Variants in PCDHGA8 observed in about 807,000 individuals in gnomAD.
PCDHGA8 encodes the protein protocadherin gamma-A8.
PCDHGA8 carries 45 observed loss-of-function variants against 59.2 expected under a neutral mutation model. The observed-to-expected ratio is 0.76, with a 90% CI of 0.60 to 0.98. The LOEUF (loss-of-function observed/expected upper bound fraction) is 0.98, where lower values mean the gene tolerates loss of function less well. Among genes scored for constraint, PCDHGA8 ranks in the 50% least tolerant of loss-of-function variants. The pLI is 0.00. For missense variants in PCDHGA8, 1,257 were observed against 1,196.2 expected, an observed-to-expected ratio of 1.05 and a Z score of -0.75; for synonymous variants, 531 against 519.0, an observed-to-expected ratio of 1.02 and a Z score of -0.32.
At chr5:141,462,157 A>C (rs1232551906) in intron 1 of PCDHGA8, among the ~76,000 whole-genome samples, 1 of 151,394 alleles carries the variant, frequency 6.6e-6, no homozygotes, top group African/African-American at 2.4e-5. Flanking sequence ...ATGGGGTTTC[A>C]TCATGTTGGC....
intron 1 of PCDHGA8, among the ~76,000 whole-genome samples, chr5:141,454,379 T>A (rs770736083): frequency 1.2e-3 from 179 of 152,316 alleles, no homozygotes; most frequent in Non-Finnish European, 2.1e-3. Flanking sequence ...TGGCAACTTG[T>A]CAAGATGAAG....
intron 1 of PCDHGA8, chr5:141,426,221 A>G (rs1279749881): frequency 6.3e-6 from 1 of 158,300 alleles, no homozygotes; most frequent in Non-Finnish European, 1.4e-5. Context: ...GGAAGTAAAT[A>G]TTTTAAAAGC....
chr5:141,436,337 A>G (rs1450981655), intron 1 of PCDHGA8, among the ~76,000 whole-genome samples: 1 of 152,178 alleles, frequency 6.6e-6, no homozygotes, highest in Non-Finnish European at 1.5e-5. Flanking sequence ...CATATCTCAA[A>G]TATCAGTGAC....
At chr5:141,452,046 T>C (rs767493861) in intron 1 of PCDHGA8, among the ~76,000 whole-genome samples, 1 of 152,242 alleles carries the variant, frequency 6.6e-6, no homozygotes, top group Non-Finnish European at 1.5e-5. Context: ...TAACTCCATT[T>C]GTAATAACTT....
intron 1 of PCDHGA8, chr5:141,427,536 G>A (rs758610182): frequency 4.8e-6 from 3 of 626,396 alleles, no homozygotes; most frequent in Middle Eastern, 2.5e-4. Flanking sequence ...GGAGTACAAC[G>A]TCACCATCAC....
chr5:141,438,619 TATATATATATATATATACAC>T (rs1310378007), intron 1 of PCDHGA8, among the ~76,000 whole-genome samples: 16 of 39,678 alleles, frequency 4.0e-4, no homozygotes, highest in African/African-American at 1.2e-3. Flanking sequence ...TATATATATA[TATATATATATATATATACAC>T]ACACACACAC....
Position 141,490,911 on chromosome 5 carries a change from G to C in PCDHGA8, c.2425-3896G>C. On this transcript the variant is annotated intron_variant, in intron 1 of 3. Coordinates refer to ENST00000398604, the MANE Select transcript of PCDHGA8 (RefSeq NM_032088.2). The surrounding 1 kb of genome is among the most constrained non-coding windows in gnomAD (Gnocchi z 5.4). ...CTCTGCATGTGTTTGTCCTAGACGA[G>C]AATGATAATGCCCCAGCTGTGCTGC... is the stretch of plus-strand genomic sequence containing the variant. The C allele has an allele frequency of 6.2e-7, 1 of 1,613,722 alleles. No homozygotes were observed. Among genetic ancestry groups the C allele is most frequent in the East Asian group, 2.2e-5 (1 of 44,870 alleles).
chr5:141,481,181 G>C (rs1364223040), intron 1 of PCDHGA8, among the ~76,000 whole-genome samples: 1 of 152,154 alleles, frequency 6.6e-6, no homozygotes, highest in Non-Finnish European at 1.5e-5. Context: ...CAGCTTTATT[G>C]GGCCAGGCCC....
At chr5:141,421,303 G>A (rs1456288695) in intron 1 of PCDHGA8, 1 of 1,613,660 alleles carries the variant, frequency 6.2e-7, no homozygotes, top group Non-Finnish European at 8.5e-7. Flanking sequence ...GACGCTGCGG[G>A]GGTTCCGGGC....
intron 1 of PCDHGA8, among the ~76,000 whole-genome samples, chr5:141,466,670 G>T (rs994949602): frequency 6.6e-6 from 1 of 152,046 alleles, no homozygotes; most frequent in Non-Finnish European, 1.5e-5. Flanking sequence ...TGATTTCACC[G>T]TTCTTCCACT....
intron 1 of PCDHGA8, among the ~76,000 whole-genome samples, chr5:141,449,134 T>C (rs538592980): frequency 9.2e-4 from 140 of 152,242 alleles, no homozygotes; most frequent in Non-Finnish European, 1.8e-3. Context: ...AGAAATGGAA[T>C]TGAAATTGCT....
At chr5:141,467,932 TA>T (rs1391978978) in intron 1 of PCDHGA8, among the ~76,000 whole-genome samples, 4 of 152,186 alleles carry the variant, frequency 2.6e-5, no homozygotes, top group Non-Finnish European at 4.4e-5. Flanking sequence ...ATGCTAGGAT[TA>T]CAAGCATGAG....
intron 1 of PCDHGA8, chr5:141,420,357 C>A: frequency 7.3e-7 from 1 of 1,376,278 alleles, no homozygotes; most frequent in East Asian, 2.6e-5. Flanking sequence ...TTTTAAGATT[C>A]TAGATAACTT....
In PCDHGA8 at chr5:141,485,441, A is replaced by G. The variant is rs1562105312; in HGVS notation, c.2425-9366A>G. ...CGGAGCCCTGCTCATCAAGAACCCA[A>G]TCGACCGAGAGGCACTGTGTGGGCT... On this transcript the variant is annotated intron_variant, in intron 1 of 3. Transcript: ENST00000398604. The surrounding 1 kb of genome is among the most constrained non-coding windows in gnomAD (Gnocchi z 5.7). 3 of 1,613,910 alleles carry G rather than the reference A, an allele frequency of 1.9e-6. No homozygotes were observed. Among genetic ancestry groups the G allele is most frequent in the South Asian group, 1.1e-5 (1 of 91,062 alleles).
chr5:141,433,823 G>T (rs555746621), intron 1 of PCDHGA8, among the ~76,000 whole-genome samples: 2 of 144,288 alleles, frequency 1.4e-5, no homozygotes, highest in Non-Finnish European at 3.0e-5. Context: ...GGCAACAAGA[G>T]TGAAACTCTA....
chr5:141,413,839 G>T (rs971599906), intron 1 of PCDHGA8: 1 of 1,613,310 alleles, frequency 6.2e-7, no homozygotes, highest in African/African-American at 1.3e-5. Flanking sequence ...CTCCGACGGG[G>T]GTGACCCTCT....
At position 141,485,286 on chromosome 5, in the gene PCDHGA8, A is replaced by G; in HGVS notation, c.2425-9521A>G. The G allele has an allele frequency of 2.5e-6, 4 of 1,614,044 alleles. No individual in the cohort carries two copies. On this transcript the variant is annotated intron_variant, in intron 1 of 3. Transcript: ENST00000398604. This position sits in a 1 kb window ranked among gnomAD's most constrained non-coding sequence, Gnocchi z 5.7. ...CAGATCCGCTACCCGGTCCCAGAGG[A>G]GTCACAGGAAGGGACTTTTGTAGGG...
Position 141,454,981 on chromosome 5 carries a change from A to T in PCDHGA8, c.2425-39826A>T, listed in dbSNP as rs528657512. 9.9e-3 allele frequency among the ~76,000 whole-genome samples: 1,486 copies of T among 150,680 alleles called. 32 individuals carry two copies. Among genetic ancestry groups the T allele is most frequent in the African/African-American group, 0.034 (1,392 of 41,092 alleles). On this transcript the variant is annotated intron_variant, in intron 1 of 3. Coordinates refer to ENST00000398604, the MANE Select transcript of PCDHGA8 (RefSeq NM_032088.2). ...GGCCACCACGCCTGGCTAATTTTTTAAAAAATATTTTTAGTAGAGACGGGG... is the reference window on the plus strand; with the variant it reads ...GGCCACCACGCCTGGCTAATTTTTTTAAAAATATTTTTAGTAGAGACGGGG...
intron 1 of PCDHGA8, among the ~76,000 whole-genome samples, chr5:141,467,305 G>A (rs535466592): frequency 1.3e-5 from 2 of 152,078 alleles, no homozygotes; most frequent in African/African-American, 4.8e-5. Flanking sequence ...CACTCACCTC[G>A]GCCTCCCACA....
Sources: gnomAD v4.1 joint callset for allele counts (sites outside exome capture counted in the v4.1 genomes callset) on GRCh38, gnomAD v4.1.1 for gene constraint, Gnocchi (gnomAD v3.1) non-coding constraint, MANE v1.5 for transcripts, NCBI Gene and HGNC (gene_info 2026-07-23, HGNC 2026-07-21) for gene names.